ROBO1: variants seen among roughly 807,000 people sequenced by gnomAD.
ROBO1 encodes the protein roundabout homolog 1.
A neutral mutation model predicts 195.9 loss-of-function variants in ROBO1; 149 were observed. The ratio of observed to expected loss-of-function variants is 0.76; its 90% CI spans 0.67 to 0.87. The LOEUF (loss-of-function observed/expected upper bound fraction) is 0.87, where lower values mean the gene tolerates loss of function less well. Among genes scored for constraint, ROBO1 ranks in the 40% least tolerant of loss-of-function variants. The pLI is 0.00. For synonymous variants in ROBO1, 816 were observed against 733.2 expected (o/e 1.11, Z -1.82); for missense variants, 1,933 against 2,068.3 (o/e 0.93, Z 1.27).
rs553106283 is a variant in ROBO1, at chr3:79,733,314, T to C, written c.-51+34438A>G. 1.3e-5 allele frequency among the ~76,000 whole-genome samples: 2 copies of C among 152,350 alleles called. 1 individual carries two copies. The highest frequency in any genetic ancestry group is 4.1e-4 in the South Asian group (2 of 4,830). On this transcript the variant is annotated intron_variant, in intron 1 of 30. Transcript: ENST00000464233. ...ACTTTCTCATATGCAAATATAATCTTATTTCCATTGTTAGTGAGATATTGT... is the reference window on the plus strand; with the variant it reads ...ACTTTCTCATATGCAAATATAATCTCATTTCCATTGTTAGTGAGATATTGT...
intron 2 of ROBO1, among the ~76,000 whole-genome samples, chr3:79,566,118 A>G (rs551199160): frequency 9.2e-5 from 14 of 152,212 alleles, no homozygotes; most frequent in African/African-American, 3.4e-4. Context: ...TTTGGCTTTG[A>G]ATTTTCTTCT....
Position 79,560,495 on chromosome 3 carries a change from G to T in ROBO1, c.88+29329C>A, listed in dbSNP as rs545844599. ...CATGTATACATATGTTAGTTACATT[G>T]TGCACATGTACCCTAAAACTTAAAG... On this transcript the variant is annotated intron_variant, in intron 2 of 30. Transcript: ENST00000464233. Among the ~76,000 whole-genome samples, 6 of 144,112 alleles carry T rather than the reference G, an allele frequency of 4.2e-5. No homozygotes were observed. In the East Asian group the frequency reaches 1.2e-3, roughly 29 times the overall value. 94.5% of individuals were successfully genotyped at this position (144,112 alleles called of 152,430 possible).
intron 4 of ROBO1, among the ~76,000 whole-genome samples, chr3:78,840,484 T>C (rs1255700894): frequency 3.3e-5 from 5 of 152,186 alleles, no homozygotes; most frequent in Non-Finnish European, 7.3e-5. Context: ...CATTCATTTC[T>C]TACAACAATC....
chr3:79,538,555 G>C (rs567830747), intron 2 of ROBO1, among the ~76,000 whole-genome samples: 2 of 152,212 alleles, frequency 1.3e-5, no homozygotes, highest in East Asian at 3.9e-4. Context: ...AATGTTTACT[G>C]TTGGTTACCT....
At chr3:79,463,403 A>C (rs980011061) in intron 2 of ROBO1, among the ~76,000 whole-genome samples, 9 of 141,602 alleles carry the variant, frequency 6.4e-5, no homozygotes, top group East Asian at 3.9e-4. Flanking sequence ...AAAAAACAAA[A>C]AACAAAAAAC....
chr3:79,560,558 T>TAC lies in ROBO1; in HGVS notation c.88+29264_88+29265dup, dbSNP rs373504742. The stretch of plus-strand genomic sequence containing the variant: ...AATTATATATATATATATATATATA[T>TAC]ACACATACACATACATAAAAAAAAA... On this transcript the variant is annotated intron_variant, in intron 2 of 30. Transcript: ENST00000464233. 4.3e-3 allele frequency among the ~76,000 whole-genome samples: 552 copies of TAC among 129,428 alleles called. 7 individuals carry two copies. The highest frequency in any genetic ancestry group is 0.01 in the African/African-American group (344 of 33,160). The allele number at this position is 129,428 out of a possible 152,430, so 84.9% of individuals were successfully genotyped here.
At chr3:79,271,549 C>A (rs902560474) in intron 2 of ROBO1, among the ~76,000 whole-genome samples, 2 of 151,948 alleles carry the variant, frequency 1.3e-5, no homozygotes, top group Non-Finnish European at 2.9e-5. Flanking sequence ...GGAAATTTAG[C>A]CATATGCTTT....
intron 4 of ROBO1, among the ~76,000 whole-genome samples, chr3:78,760,732 C>A (rs915849621): frequency 6.6e-6 from 1 of 152,052 alleles, no homozygotes. Context: ...ACATCAAACT[C>A]CTGGGCTCAA....
At chr3:79,114,395 T>G (rs2079951144) in intron 3 of ROBO1, among the ~76,000 whole-genome samples, 1 of 152,168 alleles carries the variant, frequency 6.6e-6, no homozygotes, top group Admixed American at 6.5e-5. Context: ...ACTAAAAACA[T>G]TTTGCTTTCG....
chr3:79,422,173 GTATTATA>G (rs1575804727), intron 2 of ROBO1, among the ~76,000 whole-genome samples: 3 of 147,260 alleles, frequency 2.0e-5, no homozygotes, highest in African/African-American at 4.9e-5. Context: ...CATATCTTAT[GTATTATA>G]TATTATATTA....
intron 3 of ROBO1, among the ~76,000 whole-genome samples, chr3:79,121,687 C>A (rs2080118830): frequency 6.6e-6 from 1 of 151,904 alleles, no homozygotes; most frequent in Non-Finnish European, 1.5e-5. Flanking sequence ...ATATAGGCAC[C>A]TATTCCTTAA....
intron 4 of ROBO1, among the ~76,000 whole-genome samples, chr3:78,901,687 C>A (rs1458868472): frequency 1.3e-5 from 2 of 152,132 alleles, no homozygotes; most frequent in African/African-American, 2.4e-5. Context: ...AAAAGTGAGG[C>A]CTGACAGGCA....
chr3:79,115,576 T>C (rs1273069137), intron 3 of ROBO1, among the ~76,000 whole-genome samples: 1 of 152,122 alleles, frequency 6.6e-6, no homozygotes, highest in Non-Finnish European at 1.5e-5. Context: ...GGTATTACTC[T>C]CAACAAAACT....
rs1945651209 is a variant in ROBO1 at position 79,641,285 on chromosome 3, T to C, written c.-50-51324A>G. Reference sequence around the variant, plus strand: ...TCTGATTTAATATCTGAGATATGGCTTAAATGATATCACTTTCATTATTAA... The same window carrying C: ...TCTGATTTAATATCTGAGATATGGCCTAAATGATATCACTTTCATTATTAA... On this transcript the variant is annotated intron_variant, in intron 1 of 30. Coordinates refer to ENST00000464233, the MANE Select transcript of ROBO1 (RefSeq NM_002941.4). Among the ~76,000 whole-genome samples the C allele has an allele frequency of 2.0e-5, 3 of 151,830 alleles. No individual in the cohort carries two copies. In the South Asian group the frequency reaches 6.2e-4, roughly 32 times the overall value.
chr3:79,679,546 T>G (rs2106960078), intron 1 of ROBO1, among the ~76,000 whole-genome samples: 1 of 152,176 alleles, frequency 6.6e-6, no homozygotes, highest in Non-Finnish European at 1.5e-5. Flanking sequence ...ACTAAATTTT[T>G]TAAATGTTCA....
intron 29 of ROBO1, among the ~76,000 whole-genome samples, 191 bp downstream of exon 29, chr3:78,606,542 C>G (rs927718914): frequency 3.9e-5 from 6 of 152,246 alleles, no homozygotes; most frequent in Admixed American, 2.6e-4. Context: ...GGCACCTCTC[C>G]AGGTGATGTT....
intron 1 of ROBO1, among the ~76,000 whole-genome samples, chr3:79,742,057 G>C (rs953626911): frequency 6.6e-6 from 1 of 152,158 alleles, no homozygotes; most frequent in African/African-American, 2.4e-5. Context: ...TCTGAAACTG[G>C]AACTTATATT....
intron 2 of ROBO1, among the ~76,000 whole-genome samples, chr3:79,305,097 C>A (rs2033155275): frequency 6.6e-6 from 1 of 152,152 alleles, no homozygotes; most frequent in African/African-American, 2.4e-5. Context: ...GTTTCTTCAA[C>A]ATTTTTAACA....
chr3:78,711,961 T>C (rs1332562600), intron 8 of ROBO1, among the ~76,000 whole-genome samples: 6 of 135,372 alleles, frequency 4.4e-5, no homozygotes, highest in Non-Finnish European at 9.2e-5. Context: ...GAGAGGAATA[T>C]TTAAAGACAT....
Sources: allele counts gnomAD v4.1 joint callset (sites outside exome capture counted in the v4.1 genomes callset), GRCh38; gene constraint gnomAD v4.1.1; transcripts MANE v1.5; gene names NCBI Gene and HGNC (gene_info 2026-07-23, HGNC 2026-07-21).